ULK4: variants seen among roughly 807,000 people sequenced by gnomAD.
The protein encoded by ULK4 is inactive serine/threonine-protein kinase ULK4.
In ULK4, 133 loss-of-function variants were observed where a neutral mutation model predicts 160.6. The ratio of observed to expected loss-of-function variants is 0.83; its 90% confidence interval spans 0.72 to 0.96. The LOEUF (loss-of-function observed/expected upper bound fraction) is 0.96. Ranked by LOEUF, ULK4 falls within the 40% of genes least tolerant of loss-of-function variation. The pLI is 0.00. For missense variants in ULK4, 1,580 were observed against 1,499.5 expected, an observed-to-expected ratio of 1.05 and a Z score of -0.89; for synonymous variants, 534 against 539.8, an observed-to-expected ratio of 0.99 and a Z score of 0.15.
intron 22 of ULK4, among the ~76,000 whole-genome samples, chr3:41,736,789 T>C (rs368386449): frequency 1.3e-5 from 2 of 149,948 alleles, no homozygotes; most frequent in African/African-American, 2.5e-5. Context: ...CTGAATGGTA[T>C]TGCCTAGGTT....
At chr3:41,887,454 TC>T (rs1697764500) in intron 16 of ULK4, among the ~76,000 whole-genome samples, 1 of 152,204 alleles carries the variant, frequency 6.6e-6, no homozygotes, top group Non-Finnish European at 1.5e-5. Flanking sequence ...TATACAGGAC[TC>T]ATTTTGATGT....
intron 35 of ULK4, among the ~76,000 whole-genome samples, chr3:41,276,306 C>T (rs2079227446): frequency 1.3e-5 from 2 of 152,230 alleles, no homozygotes; most frequent in Non-Finnish European, 2.9e-5. Flanking sequence ...CTTCTAGTTA[C>T]CTTTCCGGAC....
At chr3:41,325,226 C>A (rs2080318065) in intron 35 of ULK4, among the ~76,000 whole-genome samples, 1 of 152,058 alleles carries the variant, frequency 6.6e-6, no homozygotes, top group Admixed American at 6.5e-5. Flanking sequence ...AAGATAACCA[C>A]CCCTTTTCAA....
intron 19 of ULK4, among the ~76,000 whole-genome samples, chr3:41,810,518 T>C (rs539060539): frequency 6.6e-6 from 1 of 152,308 alleles, no homozygotes; most frequent in East Asian, 1.9e-4. Flanking sequence ...TCTCTTTCTT[T>C]AATGTTGTGG....
At chr3:41,784,289 C>T (rs2039938163) in intron 21 of ULK4, among the ~76,000 whole-genome samples, 1 of 151,976 alleles carries the variant, frequency 6.6e-6, no homozygotes, top group South Asian at 2.1e-4. Flanking sequence ...ACAAAATTAG[C>T]CAGGCGTGGT....
intron 36 of ULK4, among the ~76,000 whole-genome samples, chr3:41,247,801 G>A (rs1022298693): frequency 6.6e-6 from 1 of 152,234 alleles, no homozygotes; most frequent in African/African-American, 2.4e-5. Context: ...CACACAGCAG[G>A]CCCAGTGAGG....
At chr3:41,648,810 A>C (rs538825158) in intron 30 of ULK4, among the ~76,000 whole-genome samples, 2 of 152,250 alleles carry the variant, frequency 1.3e-5, no homozygotes, top group Admixed American at 1.3e-4. Context: ...TACCCTTTCC[A>C]GGAGAGAAAG....
At chr3:41,635,015 G>A (rs3856732) in intron 30 of ULK4, among the ~76,000 whole-genome samples, 57,753 of 152,004 alleles carry the variant, frequency 0.38, 14,783 homozygotes, top group African/African-American at 0.73. Flanking sequence ...ATGATGGAAG[G>A]CGAAAGAACA....
intron 30 of ULK4, among the ~76,000 whole-genome samples, chr3:41,657,660 A>C (rs2034988909): frequency 6.6e-6 from 1 of 151,834 alleles, no homozygotes; most frequent in Non-Finnish European, 1.5e-5. Flanking sequence ...TCTACTAAAA[A>C]TACAAAAATT....
intron 35 of ULK4, among the ~76,000 whole-genome samples, chr3:41,257,911 CTGAG>C (rs1333003018): frequency 6.6e-6 from 1 of 152,078 alleles, no homozygotes; most frequent in Non-Finnish European, 1.5e-5. Flanking sequence ...AAAAATAAAT[CTGAG>C]TAATTTTTGA....
At chr3:41,497,655 G>C (rs189111113) in intron 32 of ULK4, among the ~76,000 whole-genome samples, 1 of 152,148 alleles carries the variant, frequency 6.6e-6, no homozygotes, top group Non-Finnish European at 1.5e-5. Context: ...ATTCCATATT[G>C]ATGATATAAG....
intron 35 of ULK4, among the ~76,000 whole-genome samples, chr3:41,375,590 A>T (rs936375062): frequency 1.3e-5 from 2 of 150,296 alleles, no homozygotes; most frequent in Non-Finnish European, 2.9e-5. Context: ...CAGAAAACTG[A>T]AACTGTACCC....
At chr3:41,738,695 A>C (rs879293487) in intron 22 of ULK4, among the ~76,000 whole-genome samples, 3 of 152,010 alleles carry the variant, frequency 2.0e-5, no homozygotes, top group Non-Finnish European at 4.4e-5. Context: ...CCTCCAGGTC[A>C]AAAACAAGTT....
chr3:41,696,629 C>A lies in ULK4; in HGVS notation c.2781+8428G>T, dbSNP rs148590638. Among the ~76,000 whole-genome samples the A allele has an allele frequency of 2.0e-5, 3 of 152,286 alleles. No homozygotes were observed. In the East Asian group the frequency reaches 5.8e-4, roughly 29 times the overall value. On this transcript the variant is annotated intron_variant, in intron 27 of 36. Transcript: ENST00000301831. The stretch of plus-strand genomic sequence containing the variant: ...TCTTTATTTCTACAATCTCTTGCCT[C>A]CACACACGGCAAGAAAAACCCACCG...
intron 19 of ULK4, among the ~76,000 whole-genome samples, chr3:41,815,510 C>G (rs1219597915): frequency 6.6e-6 from 1 of 152,118 alleles, no homozygotes; most frequent in Non-Finnish European, 1.5e-5. Context: ...AATTAGCTGT[C>G]AGAGCAACTG....
At chr3:41,619,383 T>G (rs1014854123) in intron 30 of ULK4, among the ~76,000 whole-genome samples, 2 of 152,090 alleles carry the variant, frequency 1.3e-5, no homozygotes, top group Admixed American at 6.5e-5. Flanking sequence ...AAGTAAACAC[T>G]CCTCAGCAAA....
chr3:41,470,372 CA>C (rs2083957796), intron 32 of ULK4, among the ~76,000 whole-genome samples: 1 of 152,044 alleles, frequency 6.6e-6, no homozygotes, highest in South Asian at 2.1e-4. Context: ...ATATTTTACC[CA>C]ATAAAATTGT....
intron 33 of ULK4, among the ~76,000 whole-genome samples, chr3:41,459,536 C>T (rs1363071981): frequency 6.6e-6 from 1 of 152,168 alleles, no homozygotes; most frequent in African/African-American, 2.4e-5. Context: ...TATCTAGGAT[C>T]TCATGGTTTA....
intron 35 of ULK4, among the ~76,000 whole-genome samples, chr3:41,312,634 A>G (rs1559519049): frequency 6.8e-6 from 1 of 147,880 alleles, no homozygotes; most frequent in Non-Finnish European, 1.5e-5. Context: ...ATCTCTACAG[A>G]AAAAAAACAA....
Sources: gnomAD v4.1 joint callset for allele counts (sites outside exome capture counted in the v4.1 genomes callset) on GRCh38, gnomAD v4.1.1 for gene constraint, MANE v1.5 for transcripts, NCBI Gene and HGNC (gene_info 2026-07-23, HGNC 2026-07-21) for gene names.